Variants in SDR42E1 observed in about 807,000 individuals in gnomAD.
SDR42E1 encodes short-chain dehydrogenase/reductase family 42E member 1.
In SDR42E1, 5 loss-of-function variants were observed where a neutral mutation model predicts 2.6. That is an observed-to-expected ratio of 1.94 (90% CI 1.01 to 4.08). The LOEUF is 4.08. Among genes scored for constraint, SDR42E1 ranks in the 30% most tolerant of loss-of-function variants. The pLI, the probability that SDR42E1 is intolerant of heterozygous loss-of-function variation, is 0.00. For synonymous variants in SDR42E1, 231 were observed against 188.3 expected (o/e 1.23, Z -1.86); for missense variants, 596 against 478.6 (o/e 1.25, Z -2.29).
chr16:82,006,274 A>G (rs1163661455), intron 1 of SDR42E1, among the ~76,000 whole-genome samples: 1 of 152,218 alleles, frequency 6.6e-6, no homozygotes. Flanking sequence ...ATCACTGTAC[A>G]AGTGCTGACC....
In SDR42E1 at chr16:81,989,213, G is replaced by C. The variant is rs954465826; in HGVS notation, c.*9898C>G. On this transcript the variant is annotated 3_prime_UTR_variant, in exon 3 of 3. Transcript: ENST00000328945. ...ATATACCCGGTGACCTCCTATGTCAGCAAATAAAGAATATATACTAATATC... is the reference window on the plus strand; with the variant it reads ...ATATACCCGGTGACCTCCTATGTCACCAAATAAAGAATATATACTAATATC... 5 of 152,076 alleles carry C rather than the reference G, an allele frequency of 3.3e-5. No homozygotes were observed. The highest frequency in any genetic ancestry group is 1.2e-4 in the African/African-American group (5 of 41,414). 9.4% of individuals were successfully genotyped at this position (152,076 alleles called of 1,614,324 possible). A position where few individuals can be genotyped will look rare whatever the true frequency, so the allele number is the denominator to read the frequency against.
chr16:82,003,117 T>A (rs769023699), intron 1 of SDR42E1, among the ~76,000 whole-genome samples: 6 of 152,048 alleles, frequency 3.9e-5, no homozygotes, highest in African/African-American at 7.2e-5. Flanking sequence ...GTCTCAGTGG[T>A]TTGAGGGTAT....
intron 1 of SDR42E1, among the ~76,000 whole-genome samples, chr16:82,010,555 A>G (rs564414598): frequency 2.6e-5 from 4 of 152,290 alleles, no homozygotes; most frequent in African/African-American, 7.2e-5. Flanking sequence ...TCTGCTCACT[A>G]AAATAAAGGC....
At chr16:82,011,289 C>A (rs1330148117) in intron 1 of SDR42E1, 98 bp downstream of exon 1, 3 of 152,352 alleles carry the variant, frequency 2.0e-5, no homozygotes, top group Non-Finnish European at 4.4e-5. Context: ...CACCGTCCCC[C>A]ACCCCCGGGA....
At position 81,999,302 on chromosome 16, in the gene SDR42E1, TG is replaced by T. The variant is rs761259962; in HGVS notation, c.990del (p.Lys331ArgfsTer4). 6.2e-7 allele frequency: 1 copy of T among 1,614,256 alleles called. No individual in the cohort carries two copies. The highest frequency in any genetic ancestry group is 8.5e-7 in the Non-Finnish European group (1 of 1,180,042). On this transcript the variant is annotated frameshift_variant, in exon 3 of 3. Coordinates refer to ENST00000328945, the MANE Select transcript of SDR42E1 (RefSeq NM_145168.3). LOFTEE classifies it low-confidence loss of function (END_TRUNC). ...TGAGCCTTATAACCTAGCTCTTTCT[TG>T]GCTTTCTCTAAGCTAAAATAATGTG... ...GVTHYFSLEK[A>X]KKELGYKAQP...
chr16:81,999,443 A>G lies in SDR42E1; in HGVS notation c.850T>C (p.Leu284=), dbSNP rs1912656439. The G allele has an allele frequency of 1.9e-6, 3 of 1,614,236 alleles. No individual in the cohort carries two copies. Among genetic ancestry groups the G allele is most frequent in the Non-Finnish European group, 2.5e-6 (3 of 1,180,042 alleles). ...GYTFPSTRLP[L]TLVYCFAFLT... Reference sequence around the variant, plus strand: ...AAAGCAAAGCAGTAGACCAAGGTCAATGGCAGGCGGGTAGACGGGAATGTG... The same window carrying G: ...AAAGCAAAGCAGTAGACCAAGGTCAGTGGCAGGCGGGTAGACGGGAATGTG... Residue 284 remains leucine, a synonymous_variant, in exon 3 of 3, where the codon TTG becomes CTG. Transcript: ENST00000328945.
Position 81,990,574 on chromosome 16 carries a change from G to C in SDR42E1, c.*8537C>G, listed in dbSNP as rs1187508847. The C allele has an allele frequency of 6.6e-6, 1 of 152,088 alleles. No individual in the cohort carries two copies. Among genetic ancestry groups the C allele is most frequent in the African/African-American group, 2.4e-5 (1 of 41,410 alleles). The allele number at this position is 152,088 out of a possible 1,614,324, so 9.4% of individuals were successfully genotyped here. On this transcript the variant is annotated 3_prime_UTR_variant, in exon 3 of 3. Coordinates refer to ENST00000328945, the MANE Select transcript of SDR42E1 (RefSeq NM_145168.3). ...TATTAATTAAGGATCCATGTGCATAGTTCTTGTACAGGTTACAAAAGGCCT... is the reference window on the plus strand; with the variant it reads ...TATTAATTAAGGATCCATGTGCATACTTCTTGTACAGGTTACAAAAGGCCT...
chr16:82,001,759 G>A (rs568482672), intron 1 of SDR42E1, among the ~76,000 whole-genome samples: 21 of 151,828 alleles, frequency 1.4e-4, no homozygotes, highest in African/African-American at 2.2e-4. Context: ...AAAATTAGCC[G>A]GGCGTGGTGG....
Position 81,999,628 on chromosome 16 carries a change from A to G in SDR42E1, c.665T>C (p.Phe222Ser), listed in dbSNP as rs370419565. ...VYGDPRSLVEFVHVDNLVQAH... is the reference protein window; with the variant it reads ...VYGDPRSLVESVHVDNLVQAH... ...CTGCACCAAGTTATCCACGTGGACAAACTCAACCAGGCTCCTGGGGTCCCC... is the reference window on the plus strand; with the variant it reads ...CTGCACCAAGTTATCCACGTGGACAGACTCAACCAGGCTCCTGGGGTCCCC... The change falls in exon 3 of 3, where the codon TTT becomes TCT. Residue 222 changes from phenylalanine to serine, a missense_variant. Coordinates refer to ENST00000328945, the MANE Select transcript of SDR42E1 (RefSeq NM_145168.3). 1.9e-6 allele frequency: 3 copies of G among 1,614,034 alleles called. No homozygotes were observed. The highest frequency in any genetic ancestry group is 2.7e-5 in the African/African-American group (2 of 74,920).
At position 81,999,775 on chromosome 16, in the gene SDR42E1, C is replaced by G; in HGVS notation, c.518G>C (p.Arg173Thr). The G allele has an allele frequency of 6.2e-7, 1 of 1,614,216 alleles. No homozygotes were observed. Among genetic ancestry groups the G allele is most frequent in the East Asian group, 2.2e-5 (1 of 44,886 alleles). The change falls in exon 3 of 3, where the codon AGA becomes ACA. Residue 173 changes from arginine (R) to threonine (T), a missense_variant. Coordinates refer to ENST00000328945, the MANE Select transcript of SDR42E1 (RefSeq NM_145168.3). ...VLEANATPLD[R>T]GDGVLRTCAL... ...GCAGGTTCTTAAGACACCGTCGCCTCTGTCCAGGGGTGTAGCATTCGCCTC... is the reference window on the plus strand; with the variant it reads ...GCAGGTTCTTAAGACACCGTCGCCTGTGTCCAGGGGTGTAGCATTCGCCTC...
chr16:82,004,247 C>G lies in SDR42E1; in HGVS notation c.-26-3363G>C, dbSNP rs138826445. ...CTGACAGGGCACATCAGGAAGAGAT[C>G]ATGGGAGAGTGAGCTTTAGCACTAC... On this transcript the variant is annotated intron_variant, in intron 1 of 2. Transcript: ENST00000328945. 2.9e-3 allele frequency among the ~76,000 whole-genome samples: 447 copies of G among 152,072 alleles called. 2 individuals are homozygous for G. The highest frequency in any genetic ancestry group is 0.01 in the African/African-American group (431 of 41,372).
chr16:82,000,803 T>C lies in SDR42E1; in HGVS notation c.56A>G (p.Tyr19Cys). 3 of 1,613,414 alleles carry C rather than the reference T, an allele frequency of 1.9e-6. No individual in the cohort carries two copies. Among genetic ancestry groups the C allele is most frequent in the South Asian group, 2.2e-5 (2 of 90,984 alleles). The change falls in exon 2 of 3, where the codon TAT (tyrosine) becomes TGT (cysteine). Residue 19 changes from tyrosine to cysteine, a missense_variant. Coordinates refer to ENST00000328945, the MANE Select transcript of SDR42E1 (RefSeq NM_145168.3). ...ESVLITGGSGYFGFRLGCALN... is the reference protein window; with the variant it reads ...ESVLITGGSGCFGFRLGCALN... ...TAGATACACTTACCGAAAACCAAAA[T>C]AGCCACTTCCTCCTGTAATGAGGAC...
At position 81,999,304 on chromosome 16, in the gene SDR42E1, G is replaced by A. The variant is rs1912646598; in HGVS notation, c.989C>T (p.Ala330Val). 2 of 1,614,166 alleles carry A rather than the reference G, an allele frequency of 1.2e-6. No homozygotes were observed. The highest frequency in any genetic ancestry group is 4.5e-5 in the East Asian group (2 of 44,884). Residue 330 changes from alanine to valine, a missense_variant, in exon 3 of 3, where the codon GCC (alanine) becomes GTC (valine). Ala to Val is a moderately conservative substitution (Grantham distance 64). Transcript: ENST00000328945. ...GVTHYFSLEK[A>V]KKELGYKAQP... Reference sequence around the variant, plus strand: ...AGCCTTATAACCTAGCTCTTTCTTGGCTTTCTCTAAGCTAAAATAATGTGT... The same window carrying A: ...AGCCTTATAACCTAGCTCTTTCTTGACTTTCTCTAAGCTAAAATAATGTGT...
Position 81,993,879 on chromosome 16 carries a change from A to G in SDR42E1, c.*5232T>C, listed in dbSNP as rs1352389166. Reference sequence around the variant, plus strand: ...ACATGATTTGAATAAACGTAATTCAAATAAACATGATTCTAGAAAAGGAAA... The same window carrying G: ...ACATGATTTGAATAAACGTAATTCAGATAAACATGATTCTAGAAAAGGAAA... On this transcript the variant is annotated 3_prime_UTR_variant, in exon 3 of 3. Transcript: ENST00000328945. The G allele has an allele frequency of 6.6e-6, 1 of 152,228 alleles. No homozygotes were observed. Among genetic ancestry groups the G allele is most frequent in the Non-Finnish European group, 1.5e-5 (1 of 68,042 alleles). 9.4% of individuals were successfully genotyped at this position (152,228 alleles called of 1,614,324 possible).
intron 1 of SDR42E1, among the ~76,000 whole-genome samples, chr16:82,001,541 C>T (rs187022352): frequency 6.6e-6 from 1 of 152,072 alleles, no homozygotes; most frequent in African/African-American, 2.4e-5. Context: ...TTTCAAGGCT[C>T]CAAGGCCCCC....
chr16:81,998,834 C>G lies in SDR42E1; in HGVS notation c.*277G>C. 1 of 413,882 alleles carries G rather than the reference C, an allele frequency of 2.4e-6. No individual in the cohort carries two copies. Among genetic ancestry groups the G allele is most frequent in the Non-Finnish European group, 4.3e-6 (1 of 233,580 alleles). The allele number at this position is 413,882 out of a possible 1,614,324, so 25.6% of individuals were successfully genotyped here. A position where few individuals can be genotyped will look rare whatever the true frequency, so the allele number is the denominator to read the frequency against. On this transcript the variant is annotated 3_prime_UTR_variant, in exon 3 of 3. Transcript: ENST00000328945. ...GATGGGCATCTCCAACTCAACTAAGCCTACTTCTATGGCTCCAAACTGACT... is the reference window on the plus strand; with the variant it reads ...GATGGGCATCTCCAACTCAACTAAGGCTACTTCTATGGCTCCAAACTGACT...
At chr16:82,006,352 AC>A (rs1223323874) in intron 1 of SDR42E1, among the ~76,000 whole-genome samples, 1 of 152,268 alleles carries the variant, frequency 6.6e-6, no homozygotes, top group Non-Finnish European at 1.5e-5. Flanking sequence ...TAGAGGGCTT[AC>A]GAAATGGTGC....
intron 1 of SDR42E1, among the ~76,000 whole-genome samples, chr16:82,009,793 A>G (rs1913066585): frequency 6.6e-6 from 1 of 152,132 alleles, no homozygotes; most frequent in African/African-American, 2.4e-5. Context: ...AGGGCATGAG[A>G]TTTGGGAGGG....
chr16:81,999,837 G>C lies in SDR42E1; in HGVS notation c.456C>G (p.Tyr152Ter). The change falls in exon 3 of 3, where the codon TAC becomes TAG. Residue 152 changes from tyrosine to a stop codon, truncating the protein, a stop_gained. Coordinates refer to ENST00000328945, the MANE Select transcript of SDR42E1 (RefSeq NM_145168.3). LOFTEE classifies it low-confidence loss of function (END_TRUNC). Reference protein sequence around the residue: ...YLPLHLHPDHYSRTKSIAEQK... With the variant: ...YLPLHLHPDH ...GCTCTGCAATTGACTTTGTCCGAGA[G>C]TAGTGATCAGGGTGGAGGTGAAGAG... is the stretch of plus-strand genomic sequence containing the variant. The C allele has an allele frequency of 6.2e-7, 1 of 1,614,192 alleles. No individual in the cohort carries two copies. Among genetic ancestry groups the C allele is most frequent in the Non-Finnish European group, 8.5e-7 (1 of 1,180,036 alleles).
Sources: allele counts gnomAD v4.1 joint callset (sites outside exome capture counted in the v4.1 genomes callset), GRCh38; gene constraint gnomAD v4.1.1; transcripts MANE v1.5; gene names NCBI Gene and HGNC (gene_info 2026-07-23, HGNC 2026-07-21).